The following RANBP2 variants were observed in gnomAD, a reference collection of about 807,000 sequenced individuals.
The protein encoded by RANBP2 is RAN binding protein 2.
A neutral mutation model predicts 303.6 loss-of-function variants in RANBP2; 57 were observed. That is an observed-to-expected ratio of 0.19 (90% CI 0.15 to 0.23). The LOEUF (loss-of-function observed/expected upper bound fraction) is 0.23, where lower values mean the gene tolerates loss of function less well. Among genes scored for constraint, RANBP2 ranks in the 10% least tolerant of loss-of-function variants. The pLI is 1.00. For synonymous variants in RANBP2, 1,167 were observed against 1,301.5 expected (o/e 0.90, Z 2.23); for missense variants, 3,138 against 3,780.8 (o/e 0.83, Z 4.46).
At chr2:108,840,203 TTTAA>T in the RANBP2 span, among the ~76,000 whole-genome samples, 1 of 152,174 alleles carries the variant, frequency 6.6e-6, no homozygotes. Context: ...GGTTGTGGTG[TTTAA>T]TTCTTTTTAT....
intron 4 of RANBP2, chr2:108,731,893 G>A: frequency 5.2e-6 from 1 of 192,236 alleles, no homozygotes; most frequent in South Asian, 9.4e-5. Context: ...AGATAGTAAG[G>A]TTTTCAAGCA....
chr2:109,154,675 CA>C, the RANBP2 span, among the ~76,000 whole-genome samples: 1 of 152,118 alleles, frequency 6.6e-6, no homozygotes. Flanking sequence ...TAGTGCTGGC[CA>C]GGGTTTGGAC....
At chr2:109,470,948 G>A in the RANBP2 span, among the ~76,000 whole-genome samples, 14 of 152,122 alleles carry the variant, frequency 9.2e-5, no homozygotes, top group African/African-American at 2.7e-4. Flanking sequence ...GGCTGGGTGC[G>A]GTGGCTCACG....
chr2:109,163,582 G>T, the RANBP2 span, among the ~76,000 whole-genome samples: 28 of 151,176 alleles, frequency 1.9e-4, no homozygotes, highest in Admixed American at 5.3e-4. Context: ...TGTATTTTTA[G>T]TAGAGACGGG....
At chr2:109,197,882 CACTT>C in the RANBP2 span, among the ~76,000 whole-genome samples, 2 of 152,362 alleles carry the variant, frequency 1.3e-5, no homozygotes, top group East Asian at 3.9e-4. Flanking sequence ...CAGAAGACTG[CACTT>C]GCCTTTTGCA....
At chr2:109,662,890 C>A in the RANBP2 span, among the ~76,000 whole-genome samples, 1 of 152,310 alleles carries the variant, frequency 6.6e-6, no homozygotes, top group Middle Eastern at 3.4e-3. Flanking sequence ...GATCCCCTGG[C>A]CTCCAATGTG....
At chr2:109,013,410 T>A in the RANBP2 span, among the ~76,000 whole-genome samples, 1 of 152,194 alleles carries the variant, frequency 6.6e-6, no homozygotes, top group African/African-American at 2.4e-5. Flanking sequence ...TAGAGGCACA[T>A]CTGACCACTA....
At chr2:109,668,162 G>T in the RANBP2 span, among the ~76,000 whole-genome samples, 1 of 152,240 alleles carries the variant, frequency 6.6e-6, no homozygotes. Context: ...AATGAAGCCT[G>T]CAATTGCAGG....
the RANBP2 span, among the ~76,000 whole-genome samples, chr2:109,179,001 TAATGTGTGTG>T: frequency 7.6e-5 from 5 of 65,360 alleles, no homozygotes; most frequent in East Asian, 1.6e-3. Context: ...TAAAGTATAA[TAATGTGTGTG>T]TGTGTGTGTG....
At chr2:108,776,797 C>A (rs115533797) in intron 24 of RANBP2, among the ~76,000 whole-genome samples, 2 of 152,156 alleles carry the variant, frequency 1.3e-5, no homozygotes, top group Non-Finnish European at 2.9e-5. Context: ...CTGCCTTTGA[C>A]TGAATGCTTG....
chr2:108,763,659 T>C lies in RANBP2; in HGVS notation c.3120T>C (p.Asn1040=), dbSNP rs764241004. 5 of 1,614,108 alleles carry C rather than the reference T, an allele frequency of 3.1e-6. No homozygotes were observed. Among genetic ancestry groups the C allele is most frequent in the Non-Finnish European group, 4.2e-6 (5 of 1,179,996 alleles). The change falls in exon 20 of 29, where the codon AAT becomes AAC. Residue 1040 remains asparagine, a synonymous_variant. Transcript: ENST00000283195. ...AATTTAACTCAAATTTCAAATCAAA[T>C]GATGGTGACTTCACGTTTTCCTCAC... ...PFKFNSNFKS[N]DGDFTFSSPQ... is the part of the protein sequence containing the mutation.
chr2:109,092,916 C>T, the RANBP2 span, among the ~76,000 whole-genome samples: 2 of 152,270 alleles, frequency 1.3e-5, no homozygotes, highest in Non-Finnish European at 1.5e-5. Context: ...TTTAGGACCC[C>T]TATTAGGCTG....
the RANBP2 span, among the ~76,000 whole-genome samples, chr2:109,209,871 T>C: frequency 1.3e-5 from 2 of 152,214 alleles, no homozygotes; most frequent in African/African-American, 4.8e-5. Context: ...TTTTTAAGTC[T>C]ACAGTTCAGT....
At chr2:109,684,703 C>T in the RANBP2 span, among the ~76,000 whole-genome samples, 140,074 of 151,212 alleles carry the variant, frequency 0.93, 65,743 homozygotes, top group East Asian at 1. Context: ...CTGGCTACTT[C>T]TTGTATTTTT....
At chr2:108,976,937 G>C in the RANBP2 span, among the ~76,000 whole-genome samples, 15 of 152,228 alleles carry the variant, frequency 9.9e-5, no homozygotes, top group Non-Finnish European at 1.8e-4. Context: ...CCTTTCACTG[G>C]AGATTGGCAT....
chr2:109,565,492 C>G, the RANBP2 span, among the ~76,000 whole-genome samples: 1 of 152,194 alleles, frequency 6.6e-6, no homozygotes, highest in Non-Finnish European at 1.5e-5. Context: ...TGTCTGAACA[C>G]TACTTTCCAC....
At chr2:108,883,855 G>A in the RANBP2 span, 1 of 152,240 alleles carries the variant, frequency 6.6e-6, no homozygotes, top group Admixed American at 6.5e-5. Context: ...CCTTGAGGGT[G>A]TCATCTGCTT....
the RANBP2 span, among the ~76,000 whole-genome samples, chr2:109,609,000 A>G: frequency 6.6e-6 from 1 of 152,230 alleles, no homozygotes; most frequent in African/African-American, 2.4e-5. Context: ...AGTAGATTAT[A>G]AAAATTTAAG....
chr2:109,254,001 A>T, the RANBP2 span, among the ~76,000 whole-genome samples: 1 of 151,510 alleles, frequency 6.6e-6, no homozygotes, highest in African/African-American at 2.4e-5. Flanking sequence ...TAGGTTATAC[A>T]TCATACAACT....
Sources: allele counts gnomAD v4.1 joint callset (sites outside exome capture counted in the v4.1 genomes callset), GRCh38; gene constraint gnomAD v4.1.1; transcripts MANE v1.5; gene names NCBI Gene and HGNC (gene_info 2026-07-23, HGNC 2026-07-21).